Variants in TENM1 observed in about 807,000 individuals in gnomAD.
TENM1 encodes the protein teneurin transmembrane protein 1.
In TENM1, 35 loss-of-function variants were observed where a neutral mutation model predicts 174.8. That is an observed-to-expected ratio of 0.20 (90% confidence interval 0.15 to 0.27). The LOEUF is 0.27. TENM1 is among the 10% of genes least tolerant of loss of function. TENM1 has a pLI of 1.00. For missense variants in TENM1, 1,633 were observed against 2,130.1 expected, an observed-to-expected ratio of 0.77 and a Z score of 4.59; for synonymous variants, 781 against 798.7, an observed-to-expected ratio of 0.98 and a Z score of 0.37.
intron 1 of TENM1, among the ~76,000 whole-genome samples, chrX:124,905,670 T>G (rs1317441433): frequency 9.0e-6 from 1 of 111,411 alleles, no homozygotes; most frequent in Non-Finnish European, 1.9e-5. Context: ...GTAGTCTCTT[T>G]GAGTTGAGAA....
At chrX:125,021,204 A>G in the TENM1 span, among the ~76,000 whole-genome samples, 1 of 104,413 alleles carries the variant, frequency 9.6e-6, no homozygotes, top group Non-Finnish European at 2.0e-5. Flanking sequence ...GATTACACAC[A>G]TGAATTAAAG....
At chrX:124,969,647 C>A in the TENM1 span, among the ~76,000 whole-genome samples, 1 of 111,754 alleles carries the variant, frequency 8.9e-6, no homozygotes. Context: ...TAAAGAAAAC[C>A]AAGGAACAGA....
Position 124,391,585 on chromosome X carries a change from A to G in TENM1, c.5688+467T>C, listed in dbSNP as rs140032381. The stretch of plus-strand genomic sequence containing the variant: ...CCACTACCACCATTCCCGCAGGCTG[A>G]TTACTTTTGGAAATTAGTCTTCAAA... On this transcript the variant is annotated intron_variant, in intron 28 of 31. Transcript: ENST00000422452. Among the ~76,000 whole-genome samples, 780 of 111,804 alleles carry G rather than the reference A, an allele frequency of 7.0e-3. 6 individuals are homozygous for G. The highest frequency in any genetic ancestry group is 0.024 in the African/African-American group (741 of 30,759).
At position 124,705,661 on chromosome X, in the gene TENM1, C is replaced by T. The variant is rs186852160; in HGVS notation, c.777-410G>A. On this transcript the variant is annotated intron_variant, in intron 4 of 31. Transcript: ENST00000422452. ...CCAGTGTTTGAGATTATCCTCACTACCAAACTTTAGAGACTAGCTTCACAG... is the reference window on the plus strand; with the variant it reads ...CCAGTGTTTGAGATTATCCTCACTATCAAACTTTAGAGACTAGCTTCACAG... Among the ~76,000 whole-genome samples the T allele has an allele frequency of 1.5e-3, 163 of 111,564 alleles. 1 individual carries two copies. The highest frequency in any genetic ancestry group is 0.012 in the South Asian group (32 of 2,660).
At chrX:124,896,496 T>G (rs1302481451) in intron 1 of TENM1, among the ~76,000 whole-genome samples, 1 of 111,669 alleles carries the variant, frequency 9.0e-6, no homozygotes, top group Non-Finnish European at 1.9e-5. Flanking sequence ...ATAGCTACAA[T>G]TTTAGGTTTC....
chrX:124,641,821 G>T, exon 11 of TENM1: 1 of 1,211,534 alleles, frequency 8.3e-7, no homozygotes, highest in Non-Finnish European at 1.1e-6. Context: ...GTCCACTTGG[G>T]ATCACAGCTG....
chrX:124,413,209 C>T (rs188755805), intron 25 of TENM1, among the ~76,000 whole-genome samples: 1 of 112,070 alleles, frequency 8.9e-6, no homozygotes, highest in East Asian at 2.8e-4. Flanking sequence ...TGTTAGGAGG[C>T]TGCAGACCCA....
At chrX:124,516,312 C>T (rs2047702454) in intron 18 of TENM1, among the ~76,000 whole-genome samples, 1 of 111,934 alleles carries the variant, frequency 8.9e-6, no homozygotes, top group Admixed American at 9.5e-5. Flanking sequence ...ATGAGGAAGA[C>T]ACCAAAAGCA....
At chrX:124,773,436 AAC>A (rs201585836) in intron 3 of TENM1, among the ~76,000 whole-genome samples, 48 of 110,637 alleles carry the variant, frequency 4.3e-4, no homozygotes, top group African/African-American at 1.5e-3. Flanking sequence ...AAAAAAAAAA[AAC>A]ATGTAAAAAT....
the TENM1 span, among the ~76,000 whole-genome samples, chrX:125,122,401 T>C: frequency 9.0e-6 from 1 of 111,134 alleles, no homozygotes; most frequent in Non-Finnish European, 1.9e-5. Flanking sequence ...AGGAGGGTGC[T>C]CCTGAGAGGT....
At chrX:124,629,399 A>G (rs2050708362) in intron 11 of TENM1, among the ~76,000 whole-genome samples, 1 of 112,414 alleles carries the variant, frequency 8.9e-6, no homozygotes, top group African/African-American at 3.2e-5. Context: ...TCAGCTTTAC[A>G]GTGTTTAAAG....
chrX:124,808,217 C>G (rs1411682558), intron 3 of TENM1, among the ~76,000 whole-genome samples: 1 of 111,563 alleles, frequency 9.0e-6, no homozygotes, highest in Non-Finnish European at 1.9e-5. Flanking sequence ...TAAGGAAAAA[C>G]TATAAAAATA....
intron 3 of TENM1, among the ~76,000 whole-genome samples, chrX:124,758,835 C>A (rs1358565355): frequency 9.0e-6 from 1 of 111,537 alleles, no homozygotes; most frequent in Non-Finnish European, 1.9e-5. Flanking sequence ...CTAAAATAGT[C>A]AAACTCTTAG....
the TENM1 span, among the ~76,000 whole-genome samples, chrX:125,167,061 G>A: frequency 9.0e-6 from 1 of 111,504 alleles, no homozygotes; most frequent in African/African-American, 3.2e-5. Flanking sequence ...ATAATAGAAA[G>A]AACATAAAAT....
the TENM1 span, among the ~76,000 whole-genome samples, chrX:125,143,586 T>G: frequency 1.8e-5 from 2 of 111,592 alleles, no homozygotes; most frequent in African/African-American, 6.5e-5. Context: ...TAAGAGATAT[T>G]AGAAATTAGA....
rs188334347 is a variant in TENM1, at chrX:124,894,148, A to G, written c.535+148T>C. 218 of 442,238 alleles carry G rather than the reference A, an allele frequency of 4.9e-4. No individual in the cohort carries two copies. The African/African-American group carries it at 5.0e-3, about 10-fold the overall frequency. 36.4% of individuals were successfully genotyped at this position (442,238 alleles called of 1,213,427 possible). On this transcript the variant is annotated intron_variant, in intron 3 of 31. Transcript: ENST00000422452. ...AAATTTTCAAGAAGAAAACAAACAA[A>G]TAAGCTGCCACTGTATTCTCTGACA... is the stretch of plus-strand genomic sequence containing the variant.
chrX:125,081,748 T>C, the TENM1 span, among the ~76,000 whole-genome samples: 100 of 111,490 alleles, frequency 9.0e-4, no homozygotes, highest in Non-Finnish European at 1.6e-3. Context: ...AACCTAAGTG[T>C]CCATCAACAG....
chrX:124,654,002 A>G (rs1210251623), intron 6 of TENM1, among the ~76,000 whole-genome samples: 6 of 111,359 alleles, frequency 5.4e-5, no homozygotes, highest in South Asian at 3.8e-4. Flanking sequence ...TTCAAACCCT[A>G]TTGCATTTAT....
the TENM1 span, among the ~76,000 whole-genome samples, chrX:125,166,369 G>T: frequency 9.0e-6 from 1 of 110,923 alleles, no homozygotes; most frequent in Non-Finnish European, 1.9e-5. Context: ...TTTCACAAGT[G>T]CCTTGGGCAA....
Sources: allele counts gnomAD v4.1 joint callset (sites outside exome capture counted in the v4.1 genomes callset), GRCh38; gene constraint gnomAD v4.1.1; transcripts MANE v1.5; gene names NCBI Gene and HGNC (gene_info 2026-07-23, HGNC 2026-07-21).